Variants in FRMPD4 observed in about 807,000 individuals in gnomAD.
FRMPD4 encodes FERM and PDZ domain containing 4, also known as FERM and PDZ domain-containing protein 4.
A neutral mutation model predicts 94.1 loss-of-function variants in FRMPD4; 22 were observed. The ratio of observed to expected loss-of-function variants is 0.23; its 90% confidence interval spans 0.17 to 0.33. FRMPD4 has a LOEUF of 0.33. Among genes scored for constraint, FRMPD4 ranks in the 10% least tolerant of loss-of-function variants. FRMPD4 has a pLI of 1.00. For missense variants in FRMPD4, 1,111 were observed against 1,339.9 expected, an observed-to-expected ratio of 0.83 and a Z score of 2.67; for synonymous variants, 631 against 548.6, an observed-to-expected ratio of 1.15 and a Z score of -2.10.
intron 3 of FRMPD4, among the ~76,000 whole-genome samples, chrX:11,924,631 A>T (rs2054075906): frequency 8.9e-6 from 1 of 112,208 alleles, no homozygotes; most frequent in Admixed American, 9.4e-5. Context: ...AGAAATTCCT[A>T]CTCATAATTT....
At chrX:12,690,933 C>T (rs4620464) in intron 8 of FRMPD4, among the ~76,000 whole-genome samples, 35,390 of 110,412 alleles carry the variant, frequency 0.32, 4,469 homozygotes, top group East Asian at 0.7. Context: ...CTTTGTTGAA[C>T]GTATAAAAGA....
chrX:12,429,722 T>C (rs1488960600), intron 1 of FRMPD4, among the ~76,000 whole-genome samples: 1 of 112,146 alleles, frequency 8.9e-6, no homozygotes, highest in Non-Finnish European at 1.9e-5. Flanking sequence ...AACTCTAAAT[T>C]GATGTTATGG....
chrX:12,709,989 G>T (rs946289562), intron 13 of FRMPD4, among the ~76,000 whole-genome samples: 2 of 110,604 alleles, frequency 1.8e-5, no homozygotes, highest in Non-Finnish European at 3.8e-5. Context: ...TTAGCCTGGC[G>T]CGGTGGTGCA....
chrX:12,581,153 A>G (rs1375775126), intron 2 of FRMPD4, among the ~76,000 whole-genome samples: 5 of 112,715 alleles, frequency 4.4e-5, no homozygotes, highest in African/African-American at 1.6e-4. Context: ...TGCCTAAAAG[A>G]CAGTATGCAG....
At chrX:12,157,630 G>A (rs1158308731) in intron 1 of FRMPD4, among the ~76,000 whole-genome samples, 1 of 112,127 alleles carries the variant, frequency 8.9e-6, no homozygotes, top group Non-Finnish European at 1.9e-5. Flanking sequence ...GGAGCGTTTG[G>A]GGTTCTGGAT....
intron 3 of FRMPD4, among the ~76,000 whole-genome samples, chrX:12,075,099 T>C (rs2055002065): frequency 8.9e-6 from 1 of 112,300 alleles, no homozygotes; most frequent in African/African-American, 3.2e-5. Context: ...GTATTACAAA[T>C]AATTTTAGGA....
chrX:12,567,350 T>C (rs889700308), intron 2 of FRMPD4, among the ~76,000 whole-genome samples: 8 of 112,182 alleles, frequency 7.1e-5, no homozygotes, highest in Non-Finnish European at 1.3e-4. Context: ...CCCTTTGTGA[T>C]GTTTCTGTGA....
At chrX:11,891,335 C>T (rs1411534737) in intron 3 of FRMPD4, among the ~76,000 whole-genome samples, 2 of 112,135 alleles carry the variant, frequency 1.8e-5, no homozygotes, top group African/African-American at 6.5e-5. Context: ...AACAGCTGTG[C>T]GTGGGATGGA....
At chrX:12,327,270 A>G (rs1212863564) in intron 1 of FRMPD4, among the ~76,000 whole-genome samples, 1 of 112,897 alleles carries the variant, frequency 8.9e-6, no homozygotes, top group African/African-American at 3.2e-5. Flanking sequence ...TTGGGAAACA[A>G]ACTGAAGTTT....
chrX:12,243,330 C>T (rs1027601918), intron 1 of FRMPD4, among the ~76,000 whole-genome samples: 1 of 112,511 alleles, frequency 8.9e-6, no homozygotes, highest in African/African-American at 3.2e-5. Context: ...GACTATCATG[C>T]TTATGCACAA....
At chrX:12,332,190 T>TTATATA (rs1173963808) in intron 1 of FRMPD4, among the ~76,000 whole-genome samples, 16 of 63,459 alleles carry the variant, frequency 2.5e-4, no homozygotes, top group African/African-American at 1.2e-3. Context: ...AATTTATATT[T>TTATATA]TATATATATA....
At position 11,853,766 on chromosome X, in the gene FRMPD4, C is replaced by T. The variant is rs191399865; in HGVS notation, c.-160-11320C>T. The stretch of plus-strand genomic sequence containing the variant: ...CTACCAACCAAAAAAAGCCCAGGAC[C>T]AGACAAATTCACAGCTGAATTCCAC... On this transcript the variant is annotated intron_variant, in intron 1 of 18. Transcript: ENST00000640291. 4.0e-3 allele frequency among the ~76,000 whole-genome samples: 446 copies of T among 111,671 alleles called. 3 individuals are homozygous for T. Among genetic ancestry groups the T allele is most frequent in the Non-Finnish European group, 6.5e-3 (346 of 53,085 alleles).
intron 1 of FRMPD4, among the ~76,000 whole-genome samples, chrX:12,222,392 CTATT>C (rs936065810): frequency 8.9e-6 from 1 of 111,864 alleles, no homozygotes; most frequent in African/African-American, 3.2e-5. Flanking sequence ...ATAATTCAGG[CTATT>C]TATATGCTAG....
chrX:12,009,332 G>A (rs774822918), intron 3 of FRMPD4, among the ~76,000 whole-genome samples: 7 of 111,965 alleles, frequency 6.3e-5, no homozygotes, highest in Admixed American at 1.9e-4. Flanking sequence ...TTAGAAAAGC[G>A]GTTATTTTTT....
intron 1 of FRMPD4, among the ~76,000 whole-genome samples, chrX:12,406,422 G>T (rs758455520): frequency 1.8e-5 from 2 of 111,699 alleles, no homozygotes; most frequent in African/African-American, 6.5e-5. Flanking sequence ...TTGGCTTTTC[G>T]ATGTTAGAGG....
chrX:11,972,985 G>A (rs184724110), intron 3 of FRMPD4, among the ~76,000 whole-genome samples: 39 of 112,221 alleles, frequency 3.5e-4, no homozygotes, highest in African/African-American at 1.1e-3. Context: ...TCTACATTAT[G>A]TAAAATCCTC....
intron 2 of FRMPD4, among the ~76,000 whole-genome samples, chrX:12,585,445 T>C (rs1222375456): frequency 2.7e-5 from 3 of 111,060 alleles, no homozygotes; most frequent in Non-Finnish European, 3.8e-5. Context: ...GGTCTCGAAC[T>C]CCTGACCTCC....
chrX:11,883,189 C>T (rs945929218), intron 3 of FRMPD4, among the ~76,000 whole-genome samples: 1 of 111,970 alleles, frequency 8.9e-6, no homozygotes, highest in Non-Finnish European at 1.9e-5. Context: ...AGGTTGGCAA[C>T]ACCTAGTAAG....
At chrX:12,645,856 C>A (rs1284543663) in intron 4 of FRMPD4, among the ~76,000 whole-genome samples, 2 of 112,034 alleles carry the variant, frequency 1.8e-5, no homozygotes. Context: ...GGTTTGCACC[C>A]TTTTCAATTC....
Sources: allele counts gnomAD v4.1 joint callset (sites outside exome capture counted in the v4.1 genomes callset), GRCh38; gene constraint gnomAD v4.1.1; transcripts MANE v1.5; gene names NCBI Gene and HGNC (gene_info 2026-07-23, HGNC 2026-07-21).